Variants in SLC22A24 observed in about 807,000 individuals in gnomAD.
The protein encoded by SLC22A24 is solute carrier family 22 member 24, also known as steroid transmembrane transporter SLC22A24.
SLC22A24 carries 53 observed loss-of-function variants against 49.8 expected under a neutral mutation model. That is an observed-to-expected ratio of 1.06 (90% CI 0.85 to 1.34). The LOEUF (loss-of-function observed/expected upper bound fraction) is 1.34. SLC22A24 is among the 40% of genes most tolerant of loss of function. The pLI is 0.00. For synonymous variants in SLC22A24, 302 were observed against 256.4 expected (o/e 1.18, Z -1.70); for missense variants, 786 against 675.9 (o/e 1.16, Z -1.81).
At position 63,098,437 on chromosome 11, in the gene SLC22A24, G is replaced by C. The variant is rs187451289; in HGVS notation, c.955-2331C>G. Among the ~76,000 whole-genome samples, 398 of 152,296 alleles carry C rather than the reference G, an allele frequency of 2.6e-3. 1 individual carries two copies. Among genetic ancestry groups the C allele is most frequent in the Non-Finnish European group, 4.5e-3 (303 of 68,024 alleles). On this transcript the variant is annotated intron_variant, in intron 5 of 9. Transcript: ENST00000612278. ...TAATCTCAGCACTTGGGAGGCCAAA[G>C]TGGGTGGCTCACTTGAGGTCAGGAG...
At chr11:63,101,117 G>C (rs2087088064) in intron 5 of SLC22A24, among the ~76,000 whole-genome samples, 1 of 152,050 alleles carries the variant, frequency 6.6e-6, no homozygotes, top group African/African-American at 2.4e-5. Context: ...GAGACAGCCT[G>C]CAGAATGGGA....
intron 2 of SLC22A24, among the ~76,000 whole-genome samples, chr11:63,134,144 G>C (rs1208306319): frequency 1.3e-5 from 2 of 152,162 alleles, no homozygotes; most frequent in African/African-American, 4.8e-5. Flanking sequence ...ACAACCATCA[G>C]ATTTTATAAT....
intron 4 of SLC22A24, among the ~76,000 whole-genome samples, chr11:63,113,480 C>G (rs1485595480): frequency 6.6e-6 from 1 of 151,800 alleles, no homozygotes; most frequent in East Asian, 1.9e-4. Context: ...ATTTGCTTGT[C>G]TGTAAAGGAT....
intron 1 of SLC22A24, among the ~76,000 whole-genome samples, chr11:63,140,765 AG>A (rs1377474093): frequency 2.0e-5 from 3 of 152,344 alleles, no homozygotes; most frequent in Non-Finnish European, 2.9e-5. Context: ...CAAGGTGCGT[AG>A]GGAATGTGTT....
At chr11:63,113,287 C>A (rs2087188234) in intron 4 of SLC22A24, among the ~76,000 whole-genome samples, 1 of 148,760 alleles carries the variant, frequency 6.7e-6, no homozygotes, top group Non-Finnish European at 1.5e-5. Flanking sequence ...TGACTTTGAT[C>A]CTGTCGTTAT....
At chr11:63,083,579 GT>G in intron 6 of SLC22A24, 122 bp from the exon 7 acceptor site, 1 of 748,596 alleles carries the variant, frequency 1.3e-6, no homozygotes, top group Non-Finnish European at 2.1e-6. Context: ...GGCAAATGGT[GT>G]TTTTCCTTTT....
chr11:63,133,859 G>A (rs771251064), intron 2 of SLC22A24, among the ~76,000 whole-genome samples: 1 of 152,056 alleles, frequency 6.6e-6, no homozygotes, highest in Non-Finnish European at 1.5e-5. Flanking sequence ...TGGCCAGGCT[G>A]GTCTCAAACT....
Position 63,113,617 on chromosome 11 carries a change from A to T in SLC22A24, c.830+5295T>A, listed in dbSNP as rs182400476. On this transcript the variant is annotated intron_variant, in intron 4 of 9. Transcript: ENST00000612278. Reference sequence around the variant, plus strand: ...ACACCTGTAATCCCAGCACTTTGGGAGGCCGAGGTGGGCAGATCACGAGGT... The same window carrying T: ...ACACCTGTAATCCCAGCACTTTGGGTGGCCGAGGTGGGCAGATCACGAGGT... Among the ~76,000 whole-genome samples the T allele has an allele frequency of 9.2e-3, 1,407 of 152,116 alleles. 29 individuals carry two copies. The highest frequency in any genetic ancestry group is 0.032 in the African/African-American group (1,338 of 41,508).
At chr11:63,119,584 A>T (rs1019209032) in intron 2 of SLC22A24, among the ~76,000 whole-genome samples, 1 of 152,166 alleles carries the variant, frequency 6.6e-6, no homozygotes, top group Non-Finnish European at 1.5e-5. Context: ...CGCCATATGA[A>T]GCCATATAAA....
At chr11:63,133,035 C>A (rs1474184047) in intron 2 of SLC22A24, among the ~76,000 whole-genome samples, 1 of 152,194 alleles carries the variant, frequency 6.6e-6, no homozygotes, top group African/African-American at 2.4e-5. Context: ...TGCCCCTCCC[C>A]CTGTCAAGCT....
In SLC22A24 at chr11:63,080,773, C is replaced by A. The variant is rs2086954818; in HGVS notation, c.1598+147G>T. Reference sequence around the variant, plus strand: ...GTGGATAGGGTAGGCTGCTACTGAACTAAAGGACATGGTGACAAATAGAAA... The same window carrying A: ...GTGGATAGGGTAGGCTGCTACTGAAATAAAGGACATGGTGACAAATAGAAA... On this transcript the variant is annotated intron_variant, in intron 9 of 9. Transcript: ENST00000612278. 1.0e-5 allele frequency: 7 copies of A among 669,026 alleles called. No homozygotes were observed. In the South Asian group the frequency reaches 1.4e-4, roughly 13 times the overall value. The allele number at this position is 669,026 out of a possible 1,614,324, so 41.4% of individuals were successfully genotyped here. A position where few individuals can be genotyped will look rare whatever the true frequency, so the allele number is the denominator to read the frequency against.
chr11:63,092,795 T>G (rs1057026970), intron 6 of SLC22A24, among the ~76,000 whole-genome samples: 1 of 151,810 alleles, frequency 6.6e-6, no homozygotes, highest in African/African-American at 2.4e-5. Flanking sequence ...AAAGACTTCA[T>G]GACTAAAACA....
At chr11:63,122,443 C>T (rs186401188) in intron 2 of SLC22A24, among the ~76,000 whole-genome samples, 87 of 152,280 alleles carry the variant, frequency 5.7e-4, no homozygotes, top group African/African-American at 1.9e-3. Flanking sequence ...ACTCTCATGA[C>T]TAATGTGTTA....
chr11:63,085,653 C>T (rs748845399), intron 6 of SLC22A24, among the ~76,000 whole-genome samples: 6 of 152,128 alleles, frequency 3.9e-5, no homozygotes, highest in Non-Finnish European at 8.8e-5. Context: ...TATTTAAGTT[C>T]CTTGAATGCA....
At chr11:63,108,259 C>A (rs1179470753) in intron 4 of SLC22A24, among the ~76,000 whole-genome samples, 1 of 151,260 alleles carries the variant, frequency 6.6e-6, no homozygotes, top group African/African-American at 2.4e-5. Context: ...TATGCCGAAC[C>A]AGCCTTGCAT....
Position 63,081,103 on chromosome 11 carries a change from T to G in SLC22A24, c.1415A>C (p.Asn472Thr), listed in dbSNP as rs2135189388. 6.4e-7 allele frequency: 1 copy of G among 1,551,598 alleles called. No homozygotes were observed. Among genetic ancestry groups the G allele is most frequent in the Non-Finnish European group, 8.7e-7 (1 of 1,146,878 alleles). The change falls in exon 9 of 10, where the codon AAT becomes ACT. Residue 472 changes from asparagine to threonine, a missense_variant. By Grantham distance (65) the Asn-to-Thr change is moderately conservative (BLOSUM62 0). Coordinates refer to ENST00000612278, the MANE Select transcript of SLC22A24 (RefSeq NM_001136506.2). ...TGCCCCAGTCCTACCGGACACTGCA[T>G]TGATTCCTGCAACTGTTGACCTTAG... Reference protein sequence around the residue: ...TILRSTVAGINAVSGRTGAAL... With the variant: ...TILRSTVAGITAVSGRTGAAL...
chr11:63,141,211 AT>A, intron 1 of SLC22A24, among the ~76,000 whole-genome samples: 1 of 152,366 alleles, frequency 6.6e-6, no homozygotes, highest in East Asian at 1.9e-4. Context: ...AAACTTTAAC[AT>A]TAAAGATGCA....
chr11:63,125,607 G>A lies in SLC22A24; in HGVS notation c.507-6272C>T, dbSNP rs143543699. On this transcript the variant is annotated intron_variant, in intron 2 of 9. Coordinates refer to ENST00000612278, the MANE Select transcript of SLC22A24 (RefSeq NM_001136506.2). ...AGTATTTGCTATTGTGAATAGTGCC[G>A]CGGTAAACATACGTGTGGATGTGTC... Among the ~76,000 whole-genome samples, 534 of 152,206 alleles carry A rather than the reference G, an allele frequency of 3.5e-3. 1 individual carries two copies. The highest frequency in any genetic ancestry group is 0.012 in the African/African-American group (507 of 41,528).
rs551084084 is a variant in SLC22A24, at chr11:63,120,400, G to A, written c.507-1065C>T. Among the ~76,000 whole-genome samples the A allele has an allele frequency of 5.4e-3, 821 of 151,176 alleles. 8 individuals carry two copies. The highest frequency in any genetic ancestry group is 8.0e-3 in the Non-Finnish European group (545 of 67,760). On this transcript the variant is annotated intron_variant, in intron 2 of 9. Coordinates refer to ENST00000612278, the MANE Select transcript of SLC22A24 (RefSeq NM_001136506.2). Reference sequence around the variant, plus strand: ...GCGCACCAGCATGGCACATGTATACGTATGTAACTAACCTGCACAATGTGC... The same window carrying A: ...GCGCACCAGCATGGCACATGTATACATATGTAACTAACCTGCACAATGTGC...
Sources: gnomAD v4.1 joint callset for allele counts (sites outside exome capture counted in the v4.1 genomes callset) on GRCh38, gnomAD v4.1.1 for gene constraint, MANE v1.5 for transcripts, NCBI Gene and HGNC (gene_info 2026-07-23, HGNC 2026-07-21) for gene names.